The following CSNK1G2 variants were observed in gnomAD, a reference collection of about 807,000 sequenced individuals.
CSNK1G2 encodes the protein casein kinase I isoform gamma-2.
A neutral mutation model predicts 48.0 loss-of-function variants in CSNK1G2; 11 were observed. The ratio of observed to expected loss-of-function variants is 0.23; its 90% CI spans 0.14 to 0.38. The LOEUF is 0.38. CSNK1G2 is among the 10% of genes least tolerant of loss of function. The probability of loss-of-function intolerance (pLI) is 1.00; values close to 1 mark genes in which losing one functional copy is unlikely to be tolerated. For missense variants in CSNK1G2, 446 were observed against 595.5 expected (o/e 0.75, Z 2.61); for synonymous variants, 337 against 254.1 (o/e 1.33, Z -3.10).
intron 1 of CSNK1G2, chr19:1,952,710 G>A (rs1158404407): frequency 5.7e-5 from 15 of 261,078 alleles, no homozygotes; most frequent in Non-Finnish European, 1.1e-4. Flanking sequence ...CCTAGCAGGC[G>A]TCGCCCGGTG....
chr19:1,947,950 A>G (rs745712552), intron 1 of CSNK1G2, among the ~76,000 whole-genome samples: 111 of 50,782 alleles, frequency 2.2e-3, no homozygotes, highest in African/African-American at 2.7e-3. Flanking sequence ...TGGGGCCCCC[A>G]TGAGTCAGCT....
At chr19:1,945,039 A>G (rs2014503630) in intron 1 of CSNK1G2, among the ~76,000 whole-genome samples, 2 of 152,256 alleles carry the variant, frequency 1.3e-5, no homozygotes, top group Admixed American at 1.3e-4. Context: ...AGCTGTGCCC[A>G]GGAGCATTGC....
chr19:1,955,704 G>T (rs4806822), intron 1 of CSNK1G2, among the ~76,000 whole-genome samples: 98,808 of 152,054 alleles, frequency 0.65, 34,903 homozygotes, highest in Non-Finnish European at 0.78. Flanking sequence ...CAGCCCTGAG[G>T]GTGCAGGGAG....
chr19:1,957,450 G>A lies in CSNK1G2; in HGVS notation c.-265-12058G>A, dbSNP rs974734640. On this transcript the variant is annotated intron_variant, in intron 1 of 11. Transcript: ENST00000255641. This position sits in a 1 kb window ranked among gnomAD's most constrained non-coding sequence, Gnocchi z 5.4. Reference sequence around the variant, plus strand: ...GCCTGGGAGAGAAGGGGGCTGCCCCGAGCGGCTTGGGTGGCCGGGCCTGTG... The same window carrying A: ...GCCTGGGAGAGAAGGGGGCTGCCCCAAGCGGCTTGGGTGGCCGGGCCTGTG... Among the ~76,000 whole-genome samples the A allele has an allele frequency of 6.6e-6, 1 of 152,236 alleles. No homozygotes were observed. Among genetic ancestry groups the A allele is most frequent in the Non-Finnish European group, 1.5e-5 (1 of 68,032 alleles).
intron 2 of CSNK1G2, chr19:1,975,950 G>T (rs536417579): frequency 6.2e-5 from 53 of 858,508 alleles, no homozygotes; most frequent in Non-Finnish European, 8.5e-5. Context: ...CAGGAGAATC[G>T]CTTGAACCCA....
intron 1 of CSNK1G2, among the ~76,000 whole-genome samples, chr19:1,961,477 C>T (rs1019719176): frequency 1.3e-5 from 2 of 152,260 alleles, no homozygotes; most frequent in Non-Finnish European, 2.9e-5. Flanking sequence ...CCATTGCTGT[C>T]CGTTTCTCCA....
intron 1 of CSNK1G2, among the ~76,000 whole-genome samples, chr19:1,941,819 A>G (rs1469337391): frequency 1.5e-5 from 2 of 135,568 alleles, no homozygotes; most frequent in Non-Finnish European, 3.2e-5. Context: ...TCGTGCTCCA[A>G]CTCTCCTGCC....
Position 1,979,185 on chromosome 19 carries a change from G to A in CSNK1G2, c.705G>A (p.Leu235=). ...CAGAGCAGAGCCGCCGCGACGACCT[G>A]GAGGCGCTGGGCCACATGTTCATGT... The part of the protein sequence containing the change: ...LGKEQSRRDD[L]EALGHMFMYF... The change falls in exon 7 of 12, where the codon CTG becomes CTA. Residue 235 remains leucine (L), a synonymous_variant. Transcript: ENST00000255641. The A allele has an allele frequency of 1.3e-6, 2 of 1,534,964 alleles. No homozygotes were observed. The highest frequency in any genetic ancestry group is 1.8e-6 in the Non-Finnish European group (2 of 1,138,286).
chr19:1,957,662 A>G lies in CSNK1G2; in HGVS notation c.-265-11846A>G, dbSNP rs549686957. On this transcript the variant is annotated intron_variant, in intron 1 of 11. Transcript: ENST00000255641. The surrounding 1 kb of genome is among the most constrained non-coding windows in gnomAD (Gnocchi z 5.4). ...AGCTCACCACACAGGCAGAGACTGG[A>G]GGGTGCGCAGGACCCCGGGTGACTG... 6.6e-6 allele frequency among the ~76,000 whole-genome samples: 1 copy of G among 152,260 alleles called. No individual in the cohort carries two copies. Among genetic ancestry groups the G allele is most frequent in the South Asian group, 2.1e-4 (1 of 4,826 alleles).
At position 1,969,907 on chromosome 19, in the gene CSNK1G2, C is replaced by A; in HGVS notation, c.135C>A (p.Asn45Lys). 7.6e-7 allele frequency: 1 copy of A among 1,312,368 alleles called. No individual in the cohort carries two copies. The highest frequency in any genetic ancestry group is 2.8e-5 in the East Asian group (1 of 35,714). The allele number at this position is 1,312,368 out of a possible 1,614,324, so 81.3% of individuals were successfully genotyped here. A position where few individuals can be genotyped will look rare whatever the true frequency, so the allele number is the denominator to read the frequency against. Reference sequence around the variant, plus strand: ...CGGGGGTCCTGATGGTGGGCCCCAACTTCCGCGTCGGCAAGAAGATCGGCT... The same window carrying A: ...CGGGGGTCCTGATGGTGGGCCCCAAATTCCGCGTCGGCAAGAAGATCGGCT... ...TSSGVLMVGP[N>K]FRVGKKIGCG... Residue 45 changes from asparagine to lysine, a missense_variant, in exon 2 of 12, where the codon AAC becomes AAA. Asn to Lys is a moderately conservative substitution (Grantham distance 94). Transcript: ENST00000255641.
At chr19:1,977,676 C>T (rs188536580) in intron 2 of CSNK1G2, among the ~76,000 whole-genome samples, 25 of 148,418 alleles carry the variant, frequency 1.7e-4, no homozygotes, top group Non-Finnish European at 3.4e-4. Context: ...TGGCTTGAGC[C>T]TGGGAGACAA....
chr19:1,968,344 C>G (rs987252555), intron 1 of CSNK1G2, among the ~76,000 whole-genome samples: 1 of 151,506 alleles, frequency 6.6e-6, no homozygotes, highest in Non-Finnish European at 1.5e-5. Context: ...CCCTTCAGTT[C>G]TGCAGGTGGG....
intron 1 of CSNK1G2, among the ~76,000 whole-genome samples, chr19:1,961,624 G>A (rs1173151495): frequency 2.0e-5 from 3 of 152,192 alleles, no homozygotes; most frequent in Non-Finnish European, 2.9e-5. Flanking sequence ...GCGGCACGGC[G>A]CCCAGTCCCT....
chr19:1,944,673 G>C (rs1477072817), intron 1 of CSNK1G2, among the ~76,000 whole-genome samples: 1 of 150,124 alleles, frequency 6.7e-6, no homozygotes, highest in South Asian at 2.1e-4. Flanking sequence ...GGGTCTGTCC[G>C]GGAGCTTGAC....
At chr19:1,952,200 G>A (rs1333701278) in intron 1 of CSNK1G2, among the ~76,000 whole-genome samples, 3 of 152,254 alleles carry the variant, frequency 2.0e-5, no homozygotes, top group Non-Finnish European at 4.4e-5. Flanking sequence ...AGTGGGCAGT[G>A]GGTGCAGGGC....
intron 1 of CSNK1G2, among the ~76,000 whole-genome samples, chr19:1,964,495 C>T (rs1279843956): frequency 6.6e-6 from 1 of 152,082 alleles, no homozygotes; most frequent in Non-Finnish European, 1.5e-5. Flanking sequence ...CAAGGAGAGG[C>T]CCACCCTCTT....
chr19:1,977,485 G>T lies in CSNK1G2; in HGVS notation c.188-820G>T, dbSNP rs115166701. ...AAGCTGCACCCTGGCCTGTACAGGG[G>T]CTCCCGCCTGTTATCCCAGCCCTGT... is the stretch of plus-strand genomic sequence containing the variant. On this transcript the variant is annotated intron_variant, in intron 2 of 11. Transcript: ENST00000255641. Among the ~76,000 whole-genome samples the T allele has an allele frequency of 8.4e-3, 1,277 of 152,286 alleles. 14 individuals are homozygous for T. Among genetic ancestry groups the T allele is most frequent in the African/African-American group, 0.029 (1,217 of 41,548 alleles).
chr19:1,976,001 C>T, intron 2 of CSNK1G2: 2 of 1,194,628 alleles, frequency 1.7e-6, no homozygotes, highest in Non-Finnish European at 2.2e-6. Context: ...CGCCAGTGCA[C>T]TCCAGCCTGG....
At chr19:1,970,047 G>A (rs1478998049) in intron 2 of CSNK1G2, 88 bp downstream of exon 2, 1 of 1,127,670 alleles carries the variant, frequency 8.9e-7, no homozygotes, top group East Asian at 3.0e-5. Flanking sequence ...GGCCGCCCGG[G>A]GTCACTGGAG....
Sources: allele counts gnomAD v4.1 joint callset (sites outside exome capture counted in the v4.1 genomes callset), GRCh38; gene constraint gnomAD v4.1.1; non-coding constraint Gnocchi (gnomAD v3.1); transcripts MANE v1.5; gene names NCBI Gene and HGNC (gene_info 2026-07-23, HGNC 2026-07-21).